Variants in ADAM23 observed in about 807,000 individuals in gnomAD.
ADAM23 encodes ADAM metallopeptidase domain 23.
In ADAM23, 33 loss-of-function variants were observed where a neutral mutation model predicts 120.1. That is an observed-to-expected ratio of 0.27 (90% CI 0.21 to 0.37). The LOEUF (loss-of-function observed/expected upper bound fraction) is 0.37, where lower values mean the gene tolerates loss of function less well. Ranked by LOEUF, ADAM23 falls within the 10% of genes least tolerant of loss-of-function variation. The pLI, the probability that ADAM23 is intolerant of heterozygous loss-of-function variation, is 1.00. For synonymous variants in ADAM23, 367 were observed against 375.2 expected (o/e 0.98, Z 0.25); for missense variants, 862 against 1,058.2 (o/e 0.81, Z 2.57).
intron 6 of ADAM23, 106 bp downstream of exon 6, chr2:206,543,422 G>A (rs1244548380): frequency 1.1e-6 from 1 of 948,582 alleles, no homozygotes; most frequent in Non-Finnish European, 1.6e-6. Context: ...CTTTGTACAT[G>A]TTAACTTATT....
chr2:206,577,962 G>A (rs967266749), intron 18 of ADAM23, among the ~76,000 whole-genome samples: 6 of 151,630 alleles, frequency 4.0e-5, no homozygotes, highest in Admixed American at 1.3e-4. Context: ...ATTCTAACTG[G>A]TGTGAGATGA....
intron 13 of ADAM23, 140 bp from the exon 14 acceptor site, chr2:206,564,880 T>C: frequency 1.2e-6 from 1 of 847,732 alleles, no homozygotes; most frequent in Non-Finnish European, 1.9e-6. Context: ...TTTTGTTCTG[T>C]AAGACTTCAC....
intron 4 of ADAM23, among the ~76,000 whole-genome samples, chr2:206,538,527 T>G (rs1042017768): frequency 7.9e-5 from 12 of 152,192 alleles, no homozygotes; most frequent in African/African-American, 2.9e-4. Flanking sequence ...CTGTGTAGTT[T>G]CTTTTCAAAT....
intron 5 of ADAM23, 98 bp from the exon 6 acceptor site, chr2:206,543,155 T>C: frequency 9.5e-7 from 1 of 1,047,576 alleles, no homozygotes; most frequent in South Asian, 1.4e-5. Flanking sequence ...TCAGTTATAC[T>C]CTTTATTTTG....
At chr2:206,586,167 A>G (rs1698317750) in intron 18 of ADAM23, among the ~76,000 whole-genome samples, 1 of 152,242 alleles carries the variant, frequency 6.6e-6, no homozygotes, top group Admixed American at 6.5e-5. Context: ...GTGAGAAAGT[A>G]TAGGAGCAGA....
At chr2:206,541,315 TAAAC>T (rs1271426248) in intron 4 of ADAM23, among the ~76,000 whole-genome samples, 1 of 152,146 alleles carries the variant, frequency 6.6e-6, no homozygotes, top group Non-Finnish European at 1.5e-5. Context: ...TGTGTACACA[TAAAC>T]AATGAATATA....
intron 2 of ADAM23, among the ~76,000 whole-genome samples, chr2:206,450,881 A>C (rs1695178906): frequency 6.6e-6 from 1 of 152,186 alleles, no homozygotes; most frequent in Non-Finnish European, 1.5e-5. Context: ...GCGCTGTGCT[A>C]GACTCTGGGG....
chr2:206,451,383 G>T (rs1460243039), intron 2 of ADAM23, among the ~76,000 whole-genome samples: 1 of 152,184 alleles, frequency 6.6e-6, no homozygotes, highest in Non-Finnish European at 1.5e-5. Context: ...AGGACTACAG[G>T]TGTGTGCCAC....
intron 14 of ADAM23, among the ~76,000 whole-genome samples, chr2:206,565,973 C>T (rs147324496): frequency 0.013 from 1,985 of 152,150 alleles, 20 homozygotes; most frequent in Non-Finnish European, 0.022. Context: ...TACTTTAGAA[C>T]GCATTTCTAG....
intron 4 of ADAM23, among the ~76,000 whole-genome samples, chr2:206,532,856 C>T (rs1303664774): frequency 1.3e-5 from 2 of 151,980 alleles, no homozygotes; most frequent in Non-Finnish European, 2.9e-5. Flanking sequence ...AAGGGAAGGC[C>T]TTCCAGATAC....
At chr2:206,514,246 T>C (rs1162703925) in intron 3 of ADAM23, among the ~76,000 whole-genome samples, 1 of 152,198 alleles carries the variant, frequency 6.6e-6, no homozygotes. Context: ...TAGAAAACCT[T>C]CTGGAAAGGA....
At chr2:206,477,757 A>G (rs1412156908) in intron 2 of ADAM23, among the ~76,000 whole-genome samples, 2 of 151,642 alleles carry the variant, frequency 1.3e-5, no homozygotes, top group East Asian at 1.9e-4. Flanking sequence ...TGGTCAGTTC[A>G]TTATCTCTAA....
chr2:206,559,644 T>G (rs1268243056), intron 10 of ADAM23, among the ~76,000 whole-genome samples: 1 of 152,160 alleles, frequency 6.6e-6, no homozygotes, highest in Non-Finnish European at 1.5e-5. Flanking sequence ...GAAAGGGTGA[T>G]TTTACTGAAC....
chr2:206,528,722 C>T (rs1412057863), intron 3 of ADAM23, among the ~76,000 whole-genome samples: 1 of 152,136 alleles, frequency 6.6e-6, no homozygotes, highest in Non-Finnish European at 1.5e-5. Flanking sequence ...AGAAAACCTA[C>T]TATGAGGCAA....
intron 2 of ADAM23, 49 bp downstream of exon 2, chr2:206,445,573 C>T (rs756925858): frequency 4.0e-6 from 6 of 1,486,520 alleles, no homozygotes; most frequent in African/African-American, 1.4e-5. Context: ...AAGAGTTTTC[C>T]TTTGATTTGA....
chr2:206,569,028 A>G (rs1055112857), intron 15 of ADAM23, among the ~76,000 whole-genome samples: 1 of 152,214 alleles, frequency 6.6e-6, no homozygotes, highest in African/African-American at 2.4e-5. Flanking sequence ...TTTCAATGCA[A>G]CAGAAATCCA....
chr2:206,518,693 A>T (rs534255766), intron 3 of ADAM23, among the ~76,000 whole-genome samples: 47 of 152,284 alleles, frequency 3.1e-4, no homozygotes, highest in African/African-American at 1.1e-3. Context: ...TATCAATCTA[A>T]TCTGTAGAAA....
At chr2:206,545,481 A>G (rs146632408) in intron 6 of ADAM23, among the ~76,000 whole-genome samples, 50 of 152,226 alleles carry the variant, frequency 3.3e-4, no homozygotes, top group African/African-American at 1.2e-3. Flanking sequence ...GCGAGACTCC[A>G]TCTCAATAAA....
At chr2:206,468,329 A>T (rs1350665922) in intron 2 of ADAM23, among the ~76,000 whole-genome samples, 1 of 152,192 alleles carries the variant, frequency 6.6e-6, no homozygotes, top group African/African-American at 2.4e-5. Context: ...TTCTTGACTC[A>T]TGCATATGAG....
Sources: allele counts gnomAD v4.1 joint callset (sites outside exome capture counted in the v4.1 genomes callset), GRCh38; gene constraint gnomAD v4.1.1; transcripts MANE v1.5; gene names NCBI Gene and HGNC (gene_info 2026-07-23, HGNC 2026-07-21).